Variants in LRP6 observed in about 807,000 individuals in gnomAD.
LRP6 encodes the protein LDL receptor related protein 6, also known as low-density lipoprotein receptor-related protein 6.
A neutral mutation model predicts 184.1 loss-of-function variants in LRP6; 43 were observed. The observed-to-expected ratio is 0.23, with a 90% confidence interval of 0.18 to 0.30. LRP6 has a LOEUF of 0.30. Ranked by LOEUF, LRP6 falls within the 10% of genes least tolerant of loss-of-function variation. The pLI is 1.00. For synonymous variants in LRP6, 719 were observed against 684.9 expected (o/e 1.05, Z -0.78); for missense variants, 1,571 against 2,005.3 (o/e 0.78, Z 4.14).
chr12:12,129,622 G>A (rs367988287), intron 19 of LRP6, among the ~76,000 whole-genome samples: 32 of 151,668 alleles, frequency 2.1e-4, no homozygotes, highest in African/African-American at 7.0e-4. Flanking sequence ...GCACGATCTC[G>A]GCTCACTGCA....
At chr12:12,178,665 T>C (rs1232474709) in intron 7 of LRP6, among the ~76,000 whole-genome samples, 2 of 152,136 alleles carry the variant, frequency 1.3e-5, no homozygotes, top group Non-Finnish European at 2.9e-5. Context: ...CTCCAACTGT[T>C]AAAAGATTCA....
intron 2 of LRP6, among the ~76,000 whole-genome samples, chr12:12,207,871 C>G (rs1864108641): frequency 6.6e-6 from 1 of 152,136 alleles, no homozygotes; most frequent in Admixed American, 6.5e-5. Context: ...TGTTCAGGAA[C>G]AACCTTTAAG....
intron 12 of LRP6, among the ~76,000 whole-genome samples, chr12:12,158,559 A>C (rs1862657266): frequency 1.3e-5 from 2 of 152,148 alleles, no homozygotes; most frequent in Non-Finnish European, 2.9e-5. Context: ...TCCTGAGCTG[A>C]AGCATTCCTC....
At chr12:12,262,553 G>A (rs1187878913) in intron 1 of LRP6, among the ~76,000 whole-genome samples, 8 of 139,262 alleles carry the variant, frequency 5.7e-5, no homozygotes, top group African/African-American at 1.1e-4. Flanking sequence ...GCGAGACTCC[G>A]TCTCAAAAAA....
rs969772939 is a variant in LRP6, at chr12:12,116,932, G to A, written c.*4194C>T. 6.6e-6 allele frequency: 1 copy of A among 152,094 alleles called. No homozygotes were observed. The highest frequency in any genetic ancestry group is 1.5e-5 in the Non-Finnish European group (1 of 68,020). The allele number at this position is 152,094 out of a possible 1,614,324, so 9.4% of individuals were successfully genotyped here. On this transcript the variant is annotated 3_prime_UTR_variant, in exon 23 of 23. Coordinates refer to ENST00000261349, the MANE Select transcript of LRP6 (RefSeq NM_002336.3). ...GATCAAGTCAGACAATAGCCTGAGA[G>A]TGTGAATTCACAATACTTATAATTT...
At chr12:12,252,627 C>A (rs992315782) in intron 1 of LRP6, among the ~76,000 whole-genome samples, 1 of 152,116 alleles carries the variant, frequency 6.6e-6, no homozygotes, top group East Asian at 1.9e-4. Flanking sequence ...ATAATGTCAT[C>A]AGTCATAATT....
chr12:12,187,342 C>T, intron 3 of LRP6: 1 of 547,112 alleles, frequency 1.8e-6, no homozygotes, highest in Non-Finnish European at 3.3e-6. Context: ...GGGAATAGTC[C>T]CTAACTTGGC....
intron 1 of LRP6, among the ~76,000 whole-genome samples, chr12:12,255,449 G>A (rs1365101649): frequency 6.8e-6 from 1 of 147,988 alleles, no homozygotes; most frequent in Non-Finnish European, 1.5e-5. Context: ...TTTTCGGTTT[G>A]ATTTTGAAGT....
At chr12:12,199,824 C>T (rs1011491099) in intron 3 of LRP6, among the ~76,000 whole-genome samples, 8 of 151,672 alleles carry the variant, frequency 5.3e-5, no homozygotes, top group East Asian at 1.9e-4. Flanking sequence ...ACTAGATGGG[C>T]GTGGTGGTGC....
At position 12,248,471 on chromosome 12, in the gene LRP6, CTTTTTTTTTTT is replaced by C. The variant is rs71061030; in HGVS notation, c.56-3827_56-3817del. 8.0e-5 allele frequency among the ~76,000 whole-genome samples: 5 copies of C among 62,792 alleles called. No individual in the cohort carries two copies. In the East Asian group the frequency reaches 1.9e-3, roughly 24 times the overall value. 41.2% of individuals were successfully genotyped at this position (62,792 alleles called of 152,430 possible). A position where few individuals can be genotyped will look rare whatever the true frequency, so the allele number is the denominator to read the frequency against. On this transcript the variant is annotated intron_variant, in intron 1 of 22. Transcript: ENST00000261349. ...CAGTGGTCTTTTCTCAGTCTTTACT[CTTTTTTTTTTT>C]TTTTTTTTTTTTTTTTTGAGATGGA...
intron 2 of LRP6, among the ~76,000 whole-genome samples, chr12:12,235,108 A>C (rs917677821): frequency 6.6e-6 from 1 of 152,232 alleles, no homozygotes; most frequent in Non-Finnish European, 1.5e-5. Flanking sequence ...ATTGTTTCAC[A>C]TAACACCAAA....
At chr12:12,207,520 A>AAAT (rs1417072511) in intron 2 of LRP6, among the ~76,000 whole-genome samples, 4 of 152,044 alleles carry the variant, frequency 2.6e-5, no homozygotes, top group African/African-American at 4.8e-5. Context: ...TCCGTCAAAA[A>AAAT]AATAATAATA....
At chr12:12,245,597 A>T (rs1308301027) in intron 1 of LRP6, among the ~76,000 whole-genome samples, 4 of 152,184 alleles carry the variant, frequency 2.6e-5, no homozygotes, top group African/African-American at 9.6e-5. Flanking sequence ...ACCTTAATAA[A>T]ACTGTTACAG....
chr12:12,260,304 G>T (rs1419945978), intron 1 of LRP6, among the ~76,000 whole-genome samples: 1 of 151,900 alleles, frequency 6.6e-6, no homozygotes, highest in Non-Finnish European at 1.5e-5. Flanking sequence ...CGTGAACCCG[G>T]GGGGCGGAGC....
At chr12:12,152,138 T>A (rs906873848) in intron 12 of LRP6, among the ~76,000 whole-genome samples, 1 of 152,068 alleles carries the variant, frequency 6.6e-6, no homozygotes, top group Non-Finnish European at 1.5e-5. Context: ...GTTCCCATAA[T>A]AGTGAATAAG....
intron 19 of LRP6, 54 bp downstream of exon 19, chr12:12,130,729 A>G (rs1315081056): frequency 4.4e-6 from 5 of 1,130,002 alleles, no homozygotes; most frequent in Admixed American, 1.7e-5. Flanking sequence ...CATAAGAAAA[A>G]AAATTGTTTA....
At chr12:12,215,199 AAAGT>A (rs1209423502) in intron 2 of LRP6, among the ~76,000 whole-genome samples, 10 of 152,226 alleles carry the variant, frequency 6.6e-5, no homozygotes, top group Non-Finnish European at 1.0e-4. Context: ...AAATAAACAT[AAAGT>A]TAACATTTTT....
intron 2 of LRP6, among the ~76,000 whole-genome samples, chr12:12,213,062 A>T (rs1483791036): frequency 6.6e-6 from 1 of 152,230 alleles, no homozygotes; most frequent in Non-Finnish European, 1.5e-5. Context: ...AACTGGTTTC[A>T]TCATCTGGAG....
intron 7 of LRP6, among the ~76,000 whole-genome samples, chr12:12,168,242 T>C (rs943895046): frequency 6.6e-6 from 1 of 152,150 alleles, no homozygotes; most frequent in Non-Finnish European, 1.5e-5. Flanking sequence ...ACAATCTAAT[T>C]GGGGAGGTAA....
Sources: gnomAD v4.1 joint callset for allele counts (sites outside exome capture counted in the v4.1 genomes callset) on GRCh38, gnomAD v4.1.1 for gene constraint, MANE v1.5 for transcripts, NCBI Gene and HGNC (gene_info 2026-07-23, HGNC 2026-07-21) for gene names.